The following TMED3 variants were observed in gnomAD, a reference collection of about 807,000 sequenced individuals.
The protein encoded by TMED3 is transmembrane emp24 domain-containing protein 3.
A neutral mutation model predicts 15.0 loss-of-function variants in TMED3; 9 were observed. The ratio of observed to expected loss-of-function variants is 0.60; its 90% CI spans 0.36 to 1.04. The LOEUF is 1.04. TMED3 is among the 50% of genes least tolerant of loss of function. TMED3 has a pLI of 0.01. For missense variants in TMED3, 267 were observed against 278.9 expected (o/e 0.96, Z 0.30); for synonymous variants, 117 against 121.4 (o/e 0.96, Z 0.24).
intron 2 of TMED3, among the ~76,000 whole-genome samples, chr15:79,379,522 C>T (rs1595905987): frequency 6.6e-6 from 1 of 152,072 alleles, no homozygotes; most frequent in East Asian, 1.9e-4. Flanking sequence ...TTACTACGAG[C>T]AATCAATAAT....
At chr15:79,341,993 A>G (rs374574538) in intron 2 of TMED3, among the ~76,000 whole-genome samples, 1 of 152,324 alleles carries the variant, frequency 6.6e-6, no homozygotes, top group African/African-American at 2.4e-5. Flanking sequence ...TGGTACAAAA[A>G]TGTGACAAAA....
intron 2 of TMED3, among the ~76,000 whole-genome samples, chr15:79,378,948 T>G (rs941743672): frequency 2.0e-5 from 3 of 152,238 alleles, no homozygotes; most frequent in Admixed American, 2.0e-4. Flanking sequence ...AAAAGTGATA[T>G]ACTTATCTAT....
At chr15:79,312,286 A>G (rs549792836) in intron 1 of TMED3, among the ~76,000 whole-genome samples, 1 of 152,180 alleles carries the variant, frequency 6.6e-6, no homozygotes. Context: ...CTTGGAGACA[A>G]CTTCTATGTG....
chr15:79,315,001 A>C (rs550410355), intron 2 of TMED3, among the ~76,000 whole-genome samples: 1 of 152,300 alleles, frequency 6.6e-6, no homozygotes, highest in South Asian at 2.1e-4. Context: ...GCCCAGGGAA[A>C]CCTGTAAGAC....
intron 2 of TMED3, among the ~76,000 whole-genome samples, chr15:79,410,905 A>G (rs1404012731): frequency 2.0e-5 from 3 of 152,214 alleles, no homozygotes; most frequent in Non-Finnish European, 4.4e-5. Context: ...TATTGACAGG[A>G]ATGTCACATC....
chr15:79,351,616 A>T (rs1283105613), intron 2 of TMED3, among the ~76,000 whole-genome samples: 2 of 152,210 alleles, frequency 1.3e-5, no homozygotes, highest in Non-Finnish European at 2.9e-5. Flanking sequence ...ACACTTTTAC[A>T]CTATTGGTGG....
chr15:79,318,655 C>T (rs2058751068), intron 2 of TMED3, among the ~76,000 whole-genome samples: 1 of 152,242 alleles, frequency 6.6e-6, no homozygotes, highest in African/African-American at 2.4e-5. Context: ...CACAGGTTCA[C>T]ATAGGTTAAG....
At chr15:79,349,636 A>G (rs2058884634) in intron 2 of TMED3, among the ~76,000 whole-genome samples, 1 of 152,208 alleles carries the variant, frequency 6.6e-6, no homozygotes, top group Admixed American at 6.5e-5. Flanking sequence ...TTCTGGGCAC[A>G]CAAAAGGACA....
At chr15:79,361,973 C>A (rs1466328420) in intron 2 of TMED3, among the ~76,000 whole-genome samples, 2 of 151,700 alleles carry the variant, frequency 1.3e-5, no homozygotes, top group African/African-American at 4.8e-5. Context: ...CAGGAATTCC[C>A]AAAACTTTTT....
chr15:79,353,373 AATAT>A (rs1174150378), intron 2 of TMED3, among the ~76,000 whole-genome samples: 1 of 120,688 alleles, frequency 8.3e-6, no homozygotes, highest in Non-Finnish European at 1.6e-5. Context: ...AAATATATAT[AATAT>A]ATATAAAATT....
chr15:79,384,012 A>G (rs1893585526), intron 2 of TMED3: 1 of 152,232 alleles, frequency 6.6e-6, no homozygotes, highest in African/African-American at 2.4e-5. Context: ...ACCTCCCATC[A>G]TCAAAGAGCT....
At chr15:79,314,534 C>A (rs1244564005) in intron 2 of TMED3, 1 of 455,546 alleles carries the variant, frequency 2.2e-6, no homozygotes, top group Non-Finnish European at 4.4e-6. Flanking sequence ...TTTCTGTCTT[C>A]CCTTAGGGCT....
At chr15:79,405,131 T>A (rs1467110578) in intron 2 of TMED3, among the ~76,000 whole-genome samples, 1 of 152,208 alleles carries the variant, frequency 6.6e-6, no homozygotes, top group African/African-American at 2.4e-5. Context: ...AGCTCCAATC[T>A]CATAGTCACT....
chr15:79,330,143 G>C (rs898352239), intron 2 of TMED3, among the ~76,000 whole-genome samples: 1 of 152,176 alleles, frequency 6.6e-6, no homozygotes, highest in African/African-American at 2.4e-5. Context: ...ACAGGACAAG[G>C]ATGCCCACTC....
intron 2 of TMED3, among the ~76,000 whole-genome samples, chr15:79,347,525 C>T (rs550066176): frequency 3.9e-5 from 6 of 152,072 alleles, no homozygotes; most frequent in East Asian, 1.9e-4. Flanking sequence ...TTGGAAGTCA[C>T]GGCCAGGGCA....
chr15:79,397,692 AC>A (rs1893778407), intron 2 of TMED3, among the ~76,000 whole-genome samples: 1 of 152,226 alleles, frequency 6.6e-6, no homozygotes. Context: ...TCAGATTATT[AC>A]ATTACTACAG....
intron 1 of TMED3, among the ~76,000 whole-genome samples, chr15:79,312,788 G>T (rs901506776): frequency 5.3e-5 from 8 of 152,134 alleles, no homozygotes; most frequent in Non-Finnish European, 1.2e-4. Context: ...CTTGCATTCA[G>T]TCATTAATAA....
At chr15:79,367,567 G>C (rs1241204261) in intron 2 of TMED3, among the ~76,000 whole-genome samples, 1 of 152,144 alleles carries the variant, frequency 6.6e-6, no homozygotes, top group Non-Finnish European at 1.5e-5. Context: ...GAGCGTGCAA[G>C]CTCCCTCAGA....
intron 2 of TMED3, among the ~76,000 whole-genome samples, chr15:79,369,541 C>T (rs966699038): frequency 2.0e-5 from 3 of 152,220 alleles, no homozygotes; most frequent in Admixed American, 1.3e-4. Flanking sequence ...TCCCTTTATA[C>T]CAGACCTCGC....
Sources: allele counts gnomAD v4.1 joint callset (sites outside exome capture counted in the v4.1 genomes callset), GRCh38; gene constraint gnomAD v4.1.1; transcripts MANE v1.5; gene names NCBI Gene and HGNC (gene_info 2026-07-23, HGNC 2026-07-21).